The following NUDC variants were observed in gnomAD, a reference collection of about 807,000 sequenced individuals.
The protein encoded by NUDC is nuclear migration protein nudC.
A neutral mutation model predicts 45.0 loss-of-function variants in NUDC; 14 were observed. The ratio of observed to expected loss-of-function variants is 0.31; its 90% CI spans 0.21 to 0.49. The LOEUF (loss-of-function observed/expected upper bound fraction) is 0.49. Among genes scored for constraint, NUDC ranks in the 20% least tolerant of loss-of-function variants. NUDC has a pLI of 0.99. For synonymous variants in NUDC, 153 were observed against 156.7 expected (o/e 0.98, Z 0.17); for missense variants, 323 against 426.2 (o/e 0.76, Z 2.13).
At chr1:26,940,922 A>T (rs2082271170) in intron 2 of NUDC, among the ~76,000 whole-genome samples, 1 of 142,950 alleles carries the variant, frequency 7.0e-6, no homozygotes, top group Non-Finnish European at 1.5e-5. Flanking sequence ...TCCTTTATTT[A>T]TTATTATTAT....
At chr1:26,915,005 GTATATGTATATT>G (rs71007902) in intron 3 of NUDC, among the ~76,000 whole-genome samples, 18 of 105,712 alleles carry the variant, frequency 1.7e-4, no homozygotes, top group South Asian at 4.7e-4. Context: ...ATATGTATAT[GTATATGTATATT>G]TATATGTATA....
chr1:26,915,271 T>C (rs959259867), intron 3 of NUDC, among the ~76,000 whole-genome samples: 1 of 152,172 alleles, frequency 6.6e-6, no homozygotes, highest in Non-Finnish European at 1.5e-5. Context: ...TTTGTTTCCC[T>C]GGACCCACTG....
At chr1:26,912,115 G>A (rs1477627631) in intron 3 of NUDC, 40 of 1,611,772 alleles carry the variant, frequency 2.5e-5, no homozygotes, top group Non-Finnish European at 3.2e-5. Flanking sequence ...AAGAGGGCTG[G>A]TGAGCACCCT....
intron 6 of NUDC, among the ~76,000 whole-genome samples, chr1:26,944,558 C>T (rs1373148129): frequency 6.6e-6 from 1 of 152,018 alleles, no homozygotes; most frequent in Non-Finnish European, 1.5e-5. Context: ...AATCCTAGCG[C>T]TTTGGGAGGC....
chr1:26,921,261 C>A (rs141706843), upstream of NUDC, among the ~76,000 whole-genome samples: 5 of 152,168 alleles, frequency 3.3e-5, no homozygotes, highest in African/African-American at 1.2e-4. Flanking sequence ...AAGCGTGGAG[C>A]CTTTCTAAGC....
intron 2 of NUDC, among the ~76,000 whole-genome samples, chr1:26,931,117 G>A (rs1045226685): frequency 2.0e-5 from 3 of 151,870 alleles, no homozygotes; most frequent in African/African-American, 7.2e-5. Context: ...TCGCTCTGTT[G>A]CCCAGCCTGG....
At chr1:26,923,257 A>ACCTCATGAT (rs1375505074) in intron 1 of NUDC, among the ~76,000 whole-genome samples, 1 of 152,030 alleles carries the variant, frequency 6.6e-6, no homozygotes, top group East Asian at 1.9e-4. Context: ...CACCTCCTTG[A>ACCTCATGAT]CCTCATGATC....
At position 26,945,673 on chromosome 1, in the gene NUDC, G is replaced by GAGA; in HGVS notation, c.932_934dup (p.Glu311_Ile312insLys). 6.2e-7 allele frequency: 1 copy of GAGA among 1,613,760 alleles called. No individual in the cohort carries two copies. Among genetic ancestry groups the GAGA allele is most frequent in the Non-Finnish European group, 8.5e-7 (1 of 1,179,762 alleles). On this transcript the variant is annotated inframe_insertion, in exon 8 of 9. Coordinates refer to ENST00000321265, the MANE Select transcript of NUDC (RefSeq NM_006600.4). The stretch of plus-strand genomic sequence containing the variant: ...AACTTCAGACGAACAGAAGAAACAG[G>GAGA]AGATTCTGAAGAAGTGAGCAATTCA...
intron 2 of NUDC, among the ~76,000 whole-genome samples, chr1:26,909,481 A>G (rs1455053157): frequency 6.6e-6 from 1 of 152,166 alleles, no homozygotes; most frequent in Admixed American, 6.5e-5. Flanking sequence ...AGTTGAGGGA[A>G]AAAGCCTAGG....
Position 26,903,939 on chromosome 1 carries a change from A to G in NUDC, c.-16+1573A>G, listed in dbSNP as rs1015358174. Among the ~76,000 whole-genome samples, 11 of 151,192 alleles carry G rather than the reference A, an allele frequency of 7.3e-5. No individual in the cohort carries two copies. In the South Asian group the frequency reaches 2.1e-3, roughly 29 times the overall value. ...GGCAGGAGAATGGTGTGAACCCGGG[A>G]GGCGGAGCTTGCAGTGAGCCGAGAT... On this transcript the variant is annotated intron_variant, in intron 2 of 6. Transcript: ENST00000435827.
intron 2 of NUDC, among the ~76,000 whole-genome samples, chr1:26,932,207 C>T (rs1376087708): frequency 2.0e-5 from 3 of 150,184 alleles, no homozygotes; most frequent in Non-Finnish European, 3.0e-5. Flanking sequence ...GACAGAGTAT[C>T]GCTCTGTTGC....
In NUDC at chr1:26,925,718, AT is replaced by A. The variant is rs35681038; in HGVS notation, c.159+1573del. Among the ~76,000 whole-genome samples the A allele has an allele frequency of 9.7e-3, 1,236 of 126,864 alleles. 5 individuals are homozygous for A. Among genetic ancestry groups the A allele is most frequent in the Middle Eastern group, 0.021 (5 of 238 alleles). The allele number at this position is 126,864 out of a possible 152,430, so 83.2% of individuals were successfully genotyped here. A position where few individuals can be genotyped will look rare whatever the true frequency, so the allele number is the denominator to read the frequency against. On this transcript the variant is annotated intron_variant, in intron 2 of 8. Transcript: ENST00000321265. ...TTTGAAAATTGTTATATCATGAGGAATTTTTTTTTTTTTTTTTTTTTGAGAC... is the reference window on the plus strand; with the variant it reads ...TTTGAAAATTGTTATATCATGAGGAATTTTTTTTTTTTTTTTTTTTGAGAC...
Position 26,924,181 on chromosome 1 carries a change from C to T in NUDC, c.159+15C>T, listed in dbSNP as rs200292737. The T allele has an allele frequency of 2.2e-5, 35 of 1,611,178 alleles. No homozygotes were observed. Among genetic ancestry groups the T allele is most frequent in the Middle Eastern group, 1.6e-4 (1 of 6,080 alleles). ...TGGCAGAGAAGGTAAGTGTTGGAAA[C>T]CACTGTCCTTTGGGCGGCTCTGTCT... is the stretch of plus-strand genomic sequence containing the variant. On this transcript the variant is annotated intron_variant, in intron 2 of 8. Transcript: ENST00000321265.
chr1:26,940,717 G>A (rs764662922), intron 2 of NUDC, among the ~76,000 whole-genome samples: 4 of 152,040 alleles, frequency 2.6e-5, no homozygotes, highest in Admixed American at 2.0e-4. Flanking sequence ...ACAGAGTCTC[G>A]CTTTGTCACC....
intron 3 of NUDC, chr1:26,913,304 A>G (rs938835881): frequency 9.7e-7 from 1 of 1,029,780 alleles, no homozygotes; most frequent in Non-Finnish European, 1.5e-6. Flanking sequence ...TAAAAAGAAA[A>G]TGAGGACCCA....
At chr1:26,932,494 TGTTTTTTTTGTAGAGATGAG>T (rs1207046231) in intron 2 of NUDC, among the ~76,000 whole-genome samples, 1 of 151,920 alleles carries the variant, frequency 6.6e-6, no homozygotes, top group East Asian at 1.9e-4. Context: ...CTAATTTTTC[TGTTTTTTTTGTAGAGATGAG>T]GTTTTACCAT....
chr1:26,945,221 C>T, intron 6 of NUDC, 169 bp from the exon 7 acceptor site: 1 of 667,354 alleles, frequency 1.5e-6, no homozygotes, highest in South Asian at 1.6e-5. Flanking sequence ...TCTGTGTCTC[C>T]CCTAGCTGCA....
chr1:26,923,715 G>A (rs374366104), intron 1 of NUDC, among the ~76,000 whole-genome samples: 68 of 152,104 alleles, frequency 4.5e-4, no homozygotes, highest in African/African-American at 1.5e-3. Flanking sequence ...CAAGTGACCC[G>A]CCCACCTGAG....
intron 2 of NUDC, among the ~76,000 whole-genome samples, chr1:26,933,563 G>A (rs899549385): frequency 2.0e-5 from 3 of 151,870 alleles, no homozygotes; most frequent in Admixed American, 6.6e-5. Flanking sequence ...ACAGGCACCT[G>A]CCACCACACC....
Sources: allele counts gnomAD v4.1 joint callset (sites outside exome capture counted in the v4.1 genomes callset), GRCh38; gene constraint gnomAD v4.1.1; transcripts MANE v1.5; gene names NCBI Gene and HGNC (gene_info 2026-07-23, HGNC 2026-07-21).